The following SLC19A1 variants were observed in gnomAD, a reference collection of about 807,000 sequenced individuals.
SLC19A1 encodes solute carrier family 19 member 1, also known as reduced folate transporter.
A neutral mutation model predicts 35.3 loss-of-function variants in SLC19A1; 37 were observed. The observed-to-expected ratio is 1.05, with a 90% CI of 0.81 to 1.38. The LOEUF (loss-of-function observed/expected upper bound fraction) is 1.38, where lower values mean the gene tolerates loss of function less well. SLC19A1 is among the 40% of genes most tolerant of loss of function. SLC19A1 has a pLI of 0.00. For missense variants in SLC19A1, 831 were observed against 826.9 expected (o/e 1.00, Z -0.06); for synonymous variants, 460 against 398.5 (o/e 1.15, Z -1.84).
Position 45,512,710 on chromosome 21 carries a change from A to T in SLC19A1, c.*2948T>A, listed in dbSNP as rs1023910647. 6.2e-5 allele frequency: 27 copies of T among 438,806 alleles called. No homozygotes were observed. Among genetic ancestry groups the T allele is most frequent in the Non-Finnish European group, 1.1e-4 (26 of 237,880 alleles). 27.2% of individuals were successfully genotyped at this position (438,806 alleles called of 1,614,324 possible). ...CTTGGCCTGATCAGACCACGGCTCG[A>T]TTTCTCCAGGATTTCCTGCTTTGGG... On this transcript the variant is annotated 3_prime_UTR_variant, in exon 6 of 6. Transcript: ENST00000311124.
intron 1 of SLC19A1, among the ~76,000 whole-genome samples, chr21:45,562,062 C>T (rs1039111528): frequency 2.2e-5 from 3 of 138,388 alleles, no homozygotes; most frequent in Non-Finnish European, 3.0e-5. Flanking sequence ...ACCCAGGAGG[C>T]GGAGTTTGTA....
At chr21:45,526,072 T>A in intron 4 of SLC19A1, 114 bp from the exon 5 acceptor site, 1 of 1,152,776 alleles carries the variant, frequency 8.7e-7, no homozygotes, top group Non-Finnish European at 1.2e-6. Flanking sequence ...AGCCACGGGG[T>A]CCCAGGGCAC....
At chr21:45,506,064 G>A in intron 3 of SLC19A1, 6 of 1,567,726 alleles carry the variant, frequency 3.8e-6, no homozygotes, top group Non-Finnish European at 5.2e-6. Context: ...GGACAGGGAT[G>A]GGAGCAGGTG....
rs377459155 is a variant in SLC19A1, at chr21:45,505,319, G to C, written c.498-6707C>G. ...GTGGGCCCCGGGCAGAGGCCGCCTC[G>C]TGTGGCTTCGTGTTCCCACCTTGGT... On this transcript the variant is annotated intron_variant, in intron 3 of 4. Coordinates refer to the SLC19A1 transcript ENST00000417954. 1.6e-5 allele frequency: 25 copies of C among 1,593,392 alleles called. No individual in the cohort carries two copies. In the South Asian group the frequency reaches 2.1e-4, roughly 13 times the overall value.
At chr21:45,553,661 T>TTCCCAGTCCCCCACACCCCC (rs2078492346) in intron 1 of SLC19A1, among the ~76,000 whole-genome samples, 1 of 3,070 alleles carries the variant, frequency 3.3e-4, no homozygotes, top group Non-Finnish European at 5.5e-4. Context: ...CCGCGCCCCC[T>TTCCCAGTCCCCCACACCCCC]TCCCAGTCCC....
rs375548890 is a variant in SLC19A1, at chr21:45,505,199, C to T, written c.498-6587G>A. 5.2e-5 allele frequency: 83 copies of T among 1,603,978 alleles called. No homozygotes were observed. The African/African-American group carries it at 5.2e-4, about 10-fold the overall frequency. Reference sequence around the variant, plus strand: ...CTGGACCTCAGGGACCCCCCGGCATCGGCTACGAGGGGCGCCAGGGCCCTC... The same window carrying T: ...CTGGACCTCAGGGACCCCCCGGCATTGGCTACGAGGGGCGCCAGGGCCCTC... On this transcript the variant is annotated intron_variant, in intron 3 of 4. Coordinates refer to the SLC19A1 transcript ENST00000417954.
intron 3 of SLC19A1, chr21:45,504,231 GT>G: frequency 1.1e-6 from 1 of 911,304 alleles, no homozygotes; most frequent in Non-Finnish European, 1.7e-6. Flanking sequence ...CCCCGGCTCA[GT>G]TTTTGGGGGA....
rs147537422 is a variant in SLC19A1, at chr21:45,532,067, G to T, written c.271C>A (p.Arg91Ser). 12 of 1,612,488 alleles carry T rather than the reference G, an allele frequency of 7.4e-6. No homozygotes were observed. Among genetic ancestry groups the T allele is most frequent in the Non-Finnish European group, 9.3e-6 (11 of 1,179,654 alleles). ...VPVFLLTDYL[R>S]YTPVLLLQGL... ...TGCAGCAGCAGCACCGGCGTGTAGC[G>T]CAGGTAGTCGGTGAGCAGGAACACG... Residue 91 changes from arginine (R) to serine (S), a missense_variant, in exon 3 of 6, where the codon CGC becomes AGC. By Grantham distance (110) the Arg-to-Ser change is moderately radical. Transcript: ENST00000311124.
At chr21:45,547,539 C>T (rs1217665003), upstream of SLC19A1, among the ~76,000 whole-genome samples, 5 of 152,328 alleles carry the variant, frequency 3.3e-5, no homozygotes, top group South Asian at 8.3e-4. Flanking sequence ...GCTGCTAAAA[C>T]TTTGATCTCC....
In SLC19A1 at chr21:45,507,489, G is replaced by A. The variant is rs369844739; in HGVS notation, c.498-8877C>T. The A allele has an allele frequency of 1.3e-3, 602 of 468,194 alleles. 4 individuals carry two copies. In the African/African-American group the frequency reaches 0.027, roughly 21 times the overall value. The allele number at this position is 468,194 out of a possible 1,614,324, so 29.0% of individuals were successfully genotyped here. A position where few individuals can be genotyped will look rare whatever the true frequency, so the allele number is the denominator to read the frequency against. The stretch of plus-strand genomic sequence containing the variant: ...CCAGGTGCTGGGGCGGGAGAGTCGG[G>A]TGCTGGGCAGGGAGGGCACCCTGGC... On this transcript the variant is annotated intron_variant, in intron 3 of 4. Coordinates refer to the SLC19A1 transcript ENST00000417954.
Position 45,559,664 on chromosome 21 carries a change from C to T in SLC19A1, c.-50+3078G>A, listed in dbSNP as rs955716899. 1.3e-3 allele frequency among the ~76,000 whole-genome samples: 199 copies of T among 152,320 alleles called. 1 individual carries two copies. The highest frequency in any genetic ancestry group is 4.6e-3 in the African/African-American group (191 of 41,574). On this transcript the variant is annotated intron_variant, in intron 1 of 5. Transcript: ENST00000650808. ...CTCTGGACGTGGGGCCACACCTGTG[C>T]GCGAGTTTTCTCACTTACTGGCTCG...
chr21:45,518,935 G>C (rs978385016), intron 5 of SLC19A1, among the ~76,000 whole-genome samples: 1 of 152,122 alleles, frequency 6.6e-6, no homozygotes, highest in Non-Finnish European at 1.5e-5. Context: ...ACAGGAAAGA[G>C]GAAATACCAC....
At chr21:45,511,664 G>A (rs969455407), downstream of SLC19A1, among the ~76,000 whole-genome samples, 1 of 152,072 alleles carries the variant, frequency 6.6e-6, no homozygotes, top group Non-Finnish European at 1.5e-5. Context: ...ATGTCGCTGT[G>A]CCCTCCCCAC....
chr21:45,503,168 C>CTAGTT (rs1158369255), intron 3 of SLC19A1, among the ~76,000 whole-genome samples: 1 of 152,166 alleles, frequency 6.6e-6, no homozygotes, highest in Non-Finnish European at 1.5e-5. Flanking sequence ...AATGGTTGAA[C>CTAGTT]TAGTTTACAG....
intron 3 of SLC19A1, chr21:45,503,978 C>G: frequency 6.2e-7 from 1 of 1,612,996 alleles, no homozygotes; most frequent in South Asian, 1.1e-5. Flanking sequence ...CAGACACCAC[C>G]TCAGCGAGAC....
At chr21:45,506,485 A>G in intron 3 of SLC19A1, 1 of 238,050 alleles carries the variant, frequency 4.2e-6, no homozygotes, top group South Asian at 5.3e-5. Context: ...TGCCCCTTCC[A>G]GGACAGGCCA....
Position 45,540,552 on chromosome 21 carries a change from C to T in SLC19A1, c.-50+1816G>A, listed in dbSNP as rs2078271643. On this transcript the variant is annotated intron_variant, in intron 1 of 5. Coordinates refer to ENST00000311124, the MANE Select transcript of SLC19A1 (RefSeq NM_194255.4). This position sits in a 1 kb window ranked among gnomAD's most constrained non-coding sequence, Gnocchi z 5.5. ...CTTAACAGTCAGCCTCTGCTGCCAG[C>T]ATACTCAACTTATGTGCCGTGAACG... 6.6e-6 allele frequency among the ~76,000 whole-genome samples: 1 copy of T among 152,232 alleles called. No individual in the cohort carries two copies. Among genetic ancestry groups the T allele is most frequent in the Non-Finnish European group, 1.5e-5 (1 of 68,046 alleles).
At chr21:45,522,630 C>T (rs942002424) in intron 5 of SLC19A1, among the ~76,000 whole-genome samples, 5 of 152,216 alleles carry the variant, frequency 3.3e-5, no homozygotes, top group African/African-American at 9.7e-5. Context: ...TGTACCTACA[C>T]CCTGGAACAG....
Position 45,534,791 on chromosome 21 carries a change from G to C in SLC19A1, c.190-2643C>G. 1 of 584,750 alleles carries C rather than the reference G, an allele frequency of 1.7e-6. No individual in the cohort carries two copies. The highest frequency in any genetic ancestry group is 3.0e-6 in the Non-Finnish European group (1 of 329,510). 36.2% of individuals were successfully genotyped at this position (584,750 alleles called of 1,614,324 possible). A position where few individuals can be genotyped will look rare whatever the true frequency, so the allele number is the denominator to read the frequency against. On this transcript the variant is annotated intron_variant, in intron 2 of 5. Transcript: ENST00000311124. The surrounding 1 kb of genome is among the most constrained non-coding windows in gnomAD (Gnocchi z 4.2). Reference sequence around the variant, plus strand: ...TGACCTGCGTCCCACTTACAAGGCTGCTGGGGGAGGGGCCCTCACAACGGT... The same window carrying C: ...TGACCTGCGTCCCACTTACAAGGCTCCTGGGGGAGGGGCCCTCACAACGGT...
Sources: allele counts gnomAD v4.1 joint callset (sites outside exome capture counted in the v4.1 genomes callset), GRCh38; gene constraint gnomAD v4.1.1; non-coding constraint Gnocchi (gnomAD v3.1); transcripts MANE v1.5; gene names NCBI Gene and HGNC (gene_info 2026-07-23, HGNC 2026-07-21).